The following CEP63 variants were observed in gnomAD, a reference collection of about 807,000 sequenced individuals.
CEP63 encodes centrosomal protein 63.
Under a neutral mutation model 89.1 loss-of-function variants are expected in CEP63, and 84 were observed. That is an observed-to-expected ratio of 0.94 (90% confidence interval 0.79 to 1.13). CEP63 has a LOEUF of 1.13. Among genes scored for constraint, CEP63 ranks in the 50% most tolerant of loss-of-function variants. The pLI is 0.00. For missense variants in CEP63, 838 were observed against 813.3 expected (o/e 1.03, Z -0.37); for synonymous variants, 267 against 272.5 (o/e 0.98, Z 0.20).
At chr3:134,499,560 G>C (rs1941320196) in intron 2 of CEP63, among the ~76,000 whole-genome samples, 1 of 151,788 alleles carries the variant, frequency 6.6e-6, no homozygotes, top group Non-Finnish European at 1.5e-5. Context: ...ATTGGGTTTT[G>C]TTTGTTCTTG....
the CEP63 span, among the ~76,000 whole-genome samples, chr3:134,625,789 G>A: frequency 6.6e-6 from 1 of 152,220 alleles, no homozygotes; most frequent in Admixed American, 6.5e-5. Context: ...AGAAAGGCTG[G>A]GCCTCCAAAT....
At chr3:134,527,453 A>G (rs988527678) in intron 3 of CEP63, among the ~76,000 whole-genome samples, 1 of 152,102 alleles carries the variant, frequency 6.6e-6, no homozygotes, top group Non-Finnish European at 1.5e-5. Flanking sequence ...TTTGGTGCCC[A>G]CCAAGGTTCT....
chr3:134,702,455 G>A, the CEP63 span, among the ~76,000 whole-genome samples: 4 of 150,794 alleles, frequency 2.7e-5, no homozygotes, highest in Non-Finnish European at 5.9e-5. Context: ...GAGGCATCAC[G>A]CTACCTGACT....
the CEP63 span, among the ~76,000 whole-genome samples, chr3:134,677,216 G>A: frequency 2.6e-5 from 4 of 152,136 alleles, no homozygotes. Context: ...CGCAGATGGC[G>A]CCATTGCACT....
At chr3:134,632,593 A>T in the CEP63 span, among the ~76,000 whole-genome samples, 1 of 152,048 alleles carries the variant, frequency 6.6e-6, no homozygotes. Context: ...AATGTGTGAG[A>T]TGAAGCCAAA....
chr3:134,742,642 C>T, the CEP63 span, among the ~76,000 whole-genome samples: 1 of 152,204 alleles, frequency 6.6e-6, no homozygotes, highest in Non-Finnish European at 1.5e-5. Context: ...CTCACATTAA[C>T]ATTTAATTGT....
the CEP63 span, among the ~76,000 whole-genome samples, chr3:134,675,074 C>G: frequency 6.6e-6 from 1 of 152,100 alleles, no homozygotes; most frequent in Non-Finnish European, 1.5e-5. Flanking sequence ...GTAAGGGACC[C>G]AGAACAGCCA....
chr3:134,695,011 G>A, the CEP63 span, among the ~76,000 whole-genome samples: 1 of 152,222 alleles, frequency 6.6e-6, no homozygotes. Context: ...GATGTAAATA[G>A]CAATTGTGAA....
chr3:134,537,212 G>C lies in CEP63; in HGVS notation c.499G>C (p.Val167Leu), dbSNP rs148139450. The change falls in exon 6 of 15, where the codon GTA (valine) becomes CTA (leucine). Residue 167 changes from valine (V) to leucine (L), a missense_variant. Coordinates refer to ENST00000675561, the MANE Select transcript of CEP63 (RefSeq NM_001353108.3). The stretch of plus-strand genomic sequence containing the variant: ...GCAACGCTTGATTTATCAGCAACAG[G>C]TATCTTCACTGGAGGCACAAAGGAA... ...EKQRLIYQQQ[V>L]SSLEAQRKAL... is the part of the protein sequence containing the mutation. 9.9e-6 allele frequency: 16 copies of C among 1,614,022 alleles called. No individual in the cohort carries two copies. The East Asian group carries it at 3.1e-4, about 31-fold the overall frequency.
chr3:134,682,441 A>G, the CEP63 span, among the ~76,000 whole-genome samples: 1 of 152,230 alleles, frequency 6.6e-6, no homozygotes, highest in East Asian at 1.9e-4. Flanking sequence ...GCCAATAGCA[A>G]AAGCTCTAAA....
At chr3:134,600,613 C>T in the CEP63 span, among the ~76,000 whole-genome samples, 93,956 of 151,440 alleles carry the variant, frequency 0.62, 29,753 homozygotes, top group East Asian at 0.87. Flanking sequence ...CCTCGGTTCC[C>T]TTCTGCCCTG....
At chr3:134,689,900 G>A in the CEP63 span, among the ~76,000 whole-genome samples, 69,132 of 152,012 alleles carry the variant, frequency 0.45, 16,419 homozygotes, top group East Asian at 0.69. Context: ...GGCAAGTGGG[G>A]GCAAAGCTGG....
chr3:134,545,843 TG>T (rs1422598744), intron 7 of CEP63, 24 bp downstream of exon 7: 4 of 1,526,178 alleles, frequency 2.6e-6, no homozygotes, highest in Admixed American at 1.8e-5. Context: ...TCACTATAAT[TG>T]GGGGAAGTGT....
the CEP63 span, among the ~76,000 whole-genome samples, chr3:134,731,507 A>T: frequency 6.6e-6 from 1 of 152,198 alleles, no homozygotes; most frequent in African/African-American, 2.4e-5. Context: ...CTTCTAAATA[A>T]CTCATGGGTC....
rs998062695 is a variant in CEP63, at chr3:134,562,065, G to A, written c.*530G>A. The A allele has an allele frequency of 2.3e-5, 23 of 994,886 alleles. No homozygotes were observed. The highest frequency in any genetic ancestry group is 2.3e-5 in the Non-Finnish European group (19 of 835,822). 61.6% of individuals were successfully genotyped at this position (994,886 alleles called of 1,614,324 possible). A position where few individuals can be genotyped will look rare whatever the true frequency, so the allele number is the denominator to read the frequency against. On this transcript the variant is annotated 3_prime_UTR_variant, in exon 15 of 15. Coordinates refer to ENST00000675561, the MANE Select transcript of CEP63 (RefSeq NM_001353108.3). The stretch of plus-strand genomic sequence containing the variant: ...TAAAGTCAGGCTGGTAGTGAATAAG[G>A]GGGGGGTGTGCTAAAGAACCTTATC...
At chr3:134,589,101 T>C (rs1229999212), downstream of CEP63, among the ~76,000 whole-genome samples, 2 of 152,190 alleles carry the variant, frequency 1.3e-5, no homozygotes, top group African/African-American at 2.4e-5. Flanking sequence ...TCAGATGGCT[T>C]CATCAGTGAA....
chr3:134,617,849 A>G, the CEP63 span, among the ~76,000 whole-genome samples: 1 of 152,000 alleles, frequency 6.6e-6, no homozygotes, highest in Non-Finnish European at 1.5e-5. Context: ...AGGGCTGGAA[A>G]CTTGGCTGAG....
chr3:134,590,900 G>A (rs1229604196), downstream of CEP63, among the ~76,000 whole-genome samples: 1 of 152,052 alleles, frequency 6.6e-6, no homozygotes, highest in East Asian at 1.9e-4. Context: ...GCTCCTGTCT[G>A]GACTGTGTTC....
the CEP63 span, among the ~76,000 whole-genome samples, chr3:134,653,678 G>A: frequency 4.6e-5 from 7 of 152,234 alleles, no homozygotes; most frequent in Non-Finnish European, 5.9e-5. Context: ...AGAGACAAGA[G>A]AACACTGAGG....
Sources: gnomAD v4.1 joint callset for allele counts (sites outside exome capture counted in the v4.1 genomes callset) on GRCh38, gnomAD v4.1.1 for gene constraint, MANE v1.5 for transcripts, NCBI Gene and HGNC (gene_info 2026-07-23, HGNC 2026-07-21) for gene names.